UBE2E1: variants seen among roughly 807,000 people sequenced by gnomAD.
The protein encoded by UBE2E1 is ubiquitin conjugating enzyme E2 E1.
UBE2E1 carries 6 observed loss-of-function variants against 21.4 expected under a neutral mutation model. The ratio of observed to expected loss-of-function variants is 0.28; its 90% confidence interval spans 0.15 to 0.55. The LOEUF is 0.55. Ranked by LOEUF, UBE2E1 falls within the 20% of genes least tolerant of loss-of-function variation. The pLI is 0.93. For missense variants in UBE2E1, 142 were observed against 236.5 expected, an observed-to-expected ratio of 0.60 and a Z score of 2.62; for synonymous variants, 87 against 82.7, an observed-to-expected ratio of 1.05 and a Z score of -0.28.
chr3:23,862,167 C>T (rs1291534015), intron 3 of UBE2E1, among the ~76,000 whole-genome samples: 1 of 152,060 alleles, frequency 6.6e-6, no homozygotes, highest in Admixed American at 6.6e-5. Flanking sequence ...GCAAGTGGGA[C>T]AAGGGAACCT....
chr3:23,873,598 TAGGC>T (rs2125321907), intron 3 of UBE2E1, among the ~76,000 whole-genome samples: 1 of 152,020 alleles, frequency 6.6e-6, no homozygotes, highest in South Asian at 2.1e-4. Flanking sequence ...ATACAAAAAT[TAGGC>T]AGGCATGGTG....
chr3:23,857,126 G>C (rs1201651309), intron 3 of UBE2E1, among the ~76,000 whole-genome samples: 1 of 152,066 alleles, frequency 6.6e-6, no homozygotes, highest in African/African-American at 2.4e-5. Context: ...TGAATCACAT[G>C]TAGAGGGATC....
chr3:23,838,472 T>C (rs1053273419), intron 3 of UBE2E1, among the ~76,000 whole-genome samples: 2 of 152,172 alleles, frequency 1.3e-5, no homozygotes, highest in African/African-American at 4.8e-5. Context: ...TTTAATGTTA[T>C]TGTTGACATG....
At position 23,836,990 on chromosome 3, in the gene UBE2E1, C is replaced by T. The variant is rs1312279817; in HGVS notation, c.203+25480C>T. Among the ~76,000 whole-genome samples the T allele has an allele frequency of 1.3e-5, 2 of 152,118 alleles. No individual in the cohort carries two copies. The highest frequency in any genetic ancestry group is 2.9e-5 in the Non-Finnish European group (2 of 68,034). On this transcript the variant is annotated intron_variant, in intron 3 of 5. Coordinates refer to ENST00000306627, the MANE Select transcript of UBE2E1 (RefSeq NM_003341.5). This position sits in a 1 kb window ranked among gnomAD's most constrained non-coding sequence, Gnocchi z 4.1. ...TTAACTTGTTTGGCATATTGAGTAA[C>T]ATGGCAGGTTCTGGAGCCAGACTGA...
chr3:23,850,690 T>TG (rs1208045467), intron 3 of UBE2E1, among the ~76,000 whole-genome samples: 1 of 149,504 alleles, frequency 6.7e-6, no homozygotes, highest in Non-Finnish European at 1.5e-5. Flanking sequence ...TGTTTTTTTT[T>TG]TTTTTTTTTT....
chr3:23,858,912 C>T (rs1700495737), intron 3 of UBE2E1, among the ~76,000 whole-genome samples: 1 of 152,164 alleles, frequency 6.6e-6, no homozygotes, highest in African/African-American at 2.4e-5. Context: ...CTAAGCCACC[C>T]TCACTTGAGC....
chr3:23,844,234 C>T (rs1700149565), intron 3 of UBE2E1, among the ~76,000 whole-genome samples: 1 of 152,110 alleles, frequency 6.6e-6, no homozygotes, highest in Non-Finnish European at 1.5e-5. Context: ...ATTTTATCCT[C>T]ATTTTCTACT....
At position 23,853,886 on chromosome 3, in the gene UBE2E1, G is replaced by A. The variant is rs576995882; in HGVS notation, c.204-33681G>A. ...AACACTCCTCATTTTATAATAATTC[G>A]TTTTATCCACATGGTTCAAGTGGGT... On this transcript the variant is annotated intron_variant, in intron 3 of 5. Coordinates refer to ENST00000306627, the MANE Select transcript of UBE2E1 (RefSeq NM_003341.5). This position sits in a 1 kb window ranked among gnomAD's most constrained non-coding sequence, Gnocchi z 4.1. Among the ~76,000 whole-genome samples the A allele has an allele frequency of 5.3e-5, 8 of 152,146 alleles. No individual in the cohort carries two copies. The highest frequency in any genetic ancestry group is 3.3e-4 in the Admixed American group (5 of 15,282).
intron 3 of UBE2E1, among the ~76,000 whole-genome samples, chr3:23,821,181 A>C (rs545500433): frequency 6.6e-6 from 1 of 152,358 alleles, no homozygotes; most frequent in Non-Finnish European, 1.5e-5. Flanking sequence ...GCTAAGCAAA[A>C]GGATTAGTAC....
At chr3:23,856,596 C>T (rs1237495072) in intron 3 of UBE2E1, among the ~76,000 whole-genome samples, 1 of 152,188 alleles carries the variant, frequency 6.6e-6, no homozygotes, top group African/African-American at 2.4e-5. Context: ...CCCATTAATG[C>T]TTAGTAAAGC....
Position 23,810,580 on chromosome 3 carries a change from GT to G in UBE2E1, c.153-879del. 1 of 1,500,942 alleles carries G rather than the reference GT, an allele frequency of 6.7e-7. No homozygotes were observed. Among genetic ancestry groups the G allele is most frequent in the Non-Finnish European group, 8.9e-7 (1 of 1,123,482 alleles). The allele number at this position is 1,500,942 out of a possible 1,614,324, so 93.0% of individuals were successfully genotyped here. ...GGCCAGCGTGCGGGGCGGAGGCAGG[GT>G]CCGGTGCACCTGTGCGGCCGCGGGC... is the stretch of plus-strand genomic sequence containing the variant. On this transcript the variant is annotated intron_variant, in intron 2 of 5. Transcript: ENST00000306627. This position sits in a 1 kb window ranked among gnomAD's most constrained non-coding sequence, Gnocchi z 5.8.
chr3:23,890,474 C>T (rs755704889), intron 5 of UBE2E1, 35 bp from the exon 6 acceptor site: 2 of 1,592,876 alleles, frequency 1.3e-6, no homozygotes, highest in East Asian at 2.3e-5. Flanking sequence ...TGTTCTTTTC[C>T]TTTCTCCAAA....
chr3:23,843,638 G>A (rs1490503643), intron 3 of UBE2E1, among the ~76,000 whole-genome samples: 2 of 152,096 alleles, frequency 1.3e-5, no homozygotes, highest in Non-Finnish European at 2.9e-5. Flanking sequence ...TTTTGAACCA[G>A]CACCCTTCCA....
chr3:23,838,926 C>T (rs1700026802), intron 3 of UBE2E1, among the ~76,000 whole-genome samples: 1 of 149,378 alleles, frequency 6.7e-6, no homozygotes, highest in African/African-American at 2.5e-5. Flanking sequence ...TTCTGTATTA[C>T]CAGCTATAAC....
Position 23,810,495 on chromosome 3 carries a change from C to A in UBE2E1, c.153-965C>A, listed in dbSNP as rs1699362118. The A allele has an allele frequency of 6.5e-7, 1 of 1,535,534 alleles. No homozygotes were observed. The highest frequency in any genetic ancestry group is 2.0e-5 in the Admixed American group (1 of 50,972). On this transcript the variant is annotated intron_variant, in intron 2 of 5. Coordinates refer to ENST00000306627, the MANE Select transcript of UBE2E1 (RefSeq NM_003341.5). The surrounding 1 kb of genome is among the most constrained non-coding windows in gnomAD (Gnocchi z 5.8). ...CGGACCATGAAGGAAGTGGGCAGAC[C>A]CCGGGAAGTTAGAGGACGCCCGGGG... is the stretch of plus-strand genomic sequence containing the variant.
chr3:23,822,844 A>G (rs931801447), intron 3 of UBE2E1, among the ~76,000 whole-genome samples: 5 of 24,600 alleles, frequency 2.0e-4, no homozygotes, highest in African/African-American at 7.7e-4. Context: ...CCCACCCCCA[A>G]CCCCCGCCAC....
intron 3 of UBE2E1, chr3:23,879,385 G>T: frequency 1.9e-6 from 1 of 534,052 alleles, no homozygotes; most frequent in Non-Finnish European, 3.6e-6. Flanking sequence ...GCTGCAGCCT[G>T]TATAAGACAG....
intron 3 of UBE2E1, among the ~76,000 whole-genome samples, chr3:23,826,361 A>G (rs1038496181): frequency 1.3e-5 from 2 of 152,254 alleles, no homozygotes; most frequent in Non-Finnish European, 2.9e-5. Context: ...TAACAGAAAC[A>G]ACTTCTTAGT....
At chr3:23,807,056 A>G in intron 1 of UBE2E1, 181 bp from the exon 2 acceptor site, 1 of 484,816 alleles carries the variant, frequency 2.1e-6, no homozygotes, top group South Asian at 3.9e-5. Context: ...GGGGCCAAAA[A>G]TAAACAAGCC....
Sources: allele counts gnomAD v4.1 joint callset (sites outside exome capture counted in the v4.1 genomes callset), GRCh38; gene constraint gnomAD v4.1.1; non-coding constraint Gnocchi (gnomAD v3.1); transcripts MANE v1.5; gene names NCBI Gene and HGNC (gene_info 2026-07-23, HGNC 2026-07-21).